Variants in TUBGCP3 observed in about 807,000 individuals in gnomAD.
TUBGCP3 encodes gamma-tubulin complex component 3.
In TUBGCP3, 50 loss-of-function variants were observed where a neutral mutation model predicts 123.1. The ratio of observed to expected loss-of-function variants is 0.41; its 90% CI spans 0.32 to 0.51. The LOEUF (loss-of-function observed/expected upper bound fraction) is 0.51. TUBGCP3 is among the 20% of genes least tolerant of loss of function. The pLI, the probability that TUBGCP3 is intolerant of heterozygous loss-of-function variation, is 0.36. For synonymous variants in TUBGCP3, 405 were observed against 413.9 expected (o/e 0.98, Z 0.26); for missense variants, 882 against 1,127.0 (o/e 0.78, Z 3.11).
the TUBGCP3 span, chr13:112,603,946 G>T: frequency 6.6e-6 from 1 of 152,148 alleles, no homozygotes; most frequent in Admixed American, 6.6e-5. Context: ...TCCCAAATTG[G>T]TGCTCTTAAC....
chr13:112,528,948 C>A (rs1405284318), intron 11 of TUBGCP3, among the ~76,000 whole-genome samples: 4 of 152,074 alleles, frequency 2.6e-5, no homozygotes, highest in African/African-American at 7.2e-5. Context: ...GCCTCCCCAG[C>A]TCAAGCCATC....
chr13:112,596,471 A>G, the TUBGCP3 span, among the ~76,000 whole-genome samples: 4 of 152,226 alleles, frequency 2.6e-5, 1 homozygote, highest in African/African-American at 9.6e-5. Flanking sequence ...CTTTCATTCA[A>G]ATAGTTTTCC....
intron 1 of TUBGCP3, among the ~76,000 whole-genome samples, chr13:112,578,673 C>T (rs1882047836): frequency 4.0e-5 from 6 of 151,454 alleles, no homozygotes; most frequent in Admixed American, 3.9e-4. Flanking sequence ...CGCGACCTTT[C>T]GACCCCCACA....
chr13:112,506,287 C>T (rs115125796), intron 17 of TUBGCP3, among the ~76,000 whole-genome samples: 431 of 152,242 alleles, frequency 2.8e-3, no homozygotes, highest in African/African-American at 9.7e-3. Flanking sequence ...ATCCATGCAC[C>T]GCCCAGCGAC....
At chr13:112,544,224 C>A (rs9604352) in intron 11 of TUBGCP3, among the ~76,000 whole-genome samples, 39,869 of 151,794 alleles carry the variant, frequency 0.26, 9,988 homozygotes, top group African/African-American at 0.66. Flanking sequence ...GAGGCCAAGG[C>A]GGGCAGATCA....
At chr13:112,587,390 T>C (rs1485941450) in intron 1 of TUBGCP3, 1 of 152,990 alleles carries the variant, frequency 6.5e-6, no homozygotes, top group East Asian at 1.9e-4. Flanking sequence ...CCTGTTAAAC[T>C]TTCCTAACGA....
chr13:112,591,868 T>C (rs1280591609), upstream of TUBGCP3, among the ~76,000 whole-genome samples: 1 of 152,234 alleles, frequency 6.6e-6, no homozygotes, highest in Non-Finnish European at 1.5e-5. Flanking sequence ...TTGGGATGGT[T>C]TCACCTGACT....
At chr13:112,555,999 G>A (rs1381374550) in intron 6 of TUBGCP3, 53 bp downstream of exon 6, 1 of 1,552,130 alleles carries the variant, frequency 6.4e-7, no homozygotes, top group Admixed American at 1.8e-5. Context: ...ATAAGGAGAG[G>A]CTGAATTCCA....
rs1201582287 is a variant in TUBGCP3, at chr13:112,485,412, G to C, written c.*581C>G. On this transcript the variant is annotated 3_prime_UTR_variant, in exon 22 of 22. Coordinates refer to ENST00000261965, the MANE Select transcript of TUBGCP3 (RefSeq NM_006322.6). ...TATAAAAATGTAAACTCTGAAAGGA[G>C]AGAAAATAAGAATAAATATGTGTAA... The C allele has an allele frequency of 1.3e-5, 2 of 152,394 alleles. No individual in the cohort carries two copies. The highest frequency in any genetic ancestry group is 2.4e-5 in the African/African-American group (1 of 41,368). The allele number at this position is 152,394 out of a possible 1,614,324, so 9.4% of individuals were successfully genotyped here. A position where few individuals can be genotyped will look rare whatever the true frequency, so the allele number is the denominator to read the frequency against.
At chr13:112,535,166 C>T (rs1877942787) in intron 11 of TUBGCP3, among the ~76,000 whole-genome samples, 1 of 152,296 alleles carries the variant, frequency 6.6e-6, no homozygotes, top group East Asian at 1.9e-4. Context: ...TATGGATATA[C>T]GTCATTTTAT....
rs555223780 is a variant in TUBGCP3 at position 112,562,607 on chromosome 13, T to G, written c.252+2504A>C. On this transcript the variant is annotated intron_variant, in intron 3 of 21. Coordinates refer to ENST00000261965, the MANE Select transcript of TUBGCP3 (RefSeq NM_006322.6). Reference sequence around the variant, plus strand: ...GGCCAGGAGTATAATCTGCCAGGCCTGGAGAGCACAGAGTGGGCAGGAGTG... The same window carrying G: ...GGCCAGGAGTATAATCTGCCAGGCCGGGAGAGCACAGAGTGGGCAGGAGTG... Among the ~76,000 whole-genome samples, 6 of 152,224 alleles carry G rather than the reference T, an allele frequency of 3.9e-5. No homozygotes were observed. In the South Asian group the frequency reaches 6.2e-4, roughly 16 times the overall value.
At chr13:112,570,936 T>C (rs1881344997) in intron 1 of TUBGCP3, among the ~76,000 whole-genome samples, 1 of 152,208 alleles carries the variant, frequency 6.6e-6, no homozygotes, top group Non-Finnish European at 1.5e-5. Context: ...TGCTCATCGA[T>C]AAAAAGCAAC....
chr13:112,551,090 C>T (rs868496821), intron 8 of TUBGCP3, among the ~76,000 whole-genome samples: 3 of 151,222 alleles, frequency 2.0e-5, no homozygotes, highest in East Asian at 1.9e-4. Flanking sequence ...CAGAGCGAGA[C>T]GACTCCGTCT....
At chr13:112,601,971 A>T in the TUBGCP3 span, among the ~76,000 whole-genome samples, 5 of 152,162 alleles carry the variant, frequency 3.3e-5, no homozygotes, top group African/African-American at 1.2e-4. Flanking sequence ...ATTGCTCCTT[A>T]TGCCAGGCGC....
At chr13:112,550,305 CT>C (rs1879454869) in intron 8 of TUBGCP3, among the ~76,000 whole-genome samples, 1 of 151,862 alleles carries the variant, frequency 6.6e-6, no homozygotes, top group Non-Finnish European at 1.5e-5. Flanking sequence ...GGTTGCATAC[CT>C]TTCTGTATAT....
At chr13:112,544,244 G>A (rs1350008045) in intron 11 of TUBGCP3, among the ~76,000 whole-genome samples, 1 of 151,970 alleles carries the variant, frequency 6.6e-6, no homozygotes, top group Non-Finnish European at 1.5e-5. Flanking sequence ...ACAAGGTCAG[G>A]AGATCGAGAC....
At chr13:112,554,744 AAC>A in intron 7 of TUBGCP3, 141 bp downstream of exon 7, 1 of 607,702 alleles carries the variant, frequency 1.6e-6, no homozygotes, top group Non-Finnish European at 2.9e-6. Flanking sequence ...CAGAAATAGA[AAC>A]CAGAATTCCA....
chr13:112,589,435 C>T (rs1882828642), upstream of TUBGCP3, among the ~76,000 whole-genome samples: 1 of 152,200 alleles, frequency 6.6e-6, no homozygotes, highest in Non-Finnish European at 1.5e-5. Flanking sequence ...CTGGTTATGC[C>T]ATAGCGTCTT....
chr13:112,547,150 G>C (rs984597575), intron 10 of TUBGCP3: 30 of 321,078 alleles, frequency 9.3e-5, no homozygotes, highest in Non-Finnish European at 1.6e-4. Context: ...CTGACCGAGA[G>C]TCACCAACAT....
Sources: allele counts gnomAD v4.1 joint callset (sites outside exome capture counted in the v4.1 genomes callset), GRCh38; gene constraint gnomAD v4.1.1; transcripts MANE v1.5; gene names NCBI Gene and HGNC (gene_info 2026-07-23, HGNC 2026-07-21).